The following AFDN variants were observed in gnomAD, a reference collection of about 807,000 sequenced individuals.
The protein encoded by AFDN is afadin.
AFDN carries 68 observed loss-of-function variants against 216.6 expected under a neutral mutation model. The observed-to-expected ratio is 0.31, with a 90% confidence interval of 0.26 to 0.38. The LOEUF is 0.38. AFDN is among the 10% of genes least tolerant of loss of function. The probability of loss-of-function intolerance (pLI) is 1.00; values close to 1 mark genes in which losing one functional copy is unlikely to be tolerated. For synonymous variants in AFDN, 868 were observed against 853.7 expected (o/e 1.02, Z -0.29); for missense variants, 2,136 against 2,342.0 (o/e 0.91, Z 1.82).
chr6:167,851,801 CTA>C lies in AFDN; in HGVS notation c.106-12748_106-12747del, dbSNP rs1305693162. 2.6e-5 allele frequency among the ~76,000 whole-genome samples: 4 copies of C among 152,264 alleles called. No individual in the cohort carries two copies. In the East Asian group the frequency reaches 7.7e-4, roughly 29 times the overall value. On this transcript the variant is annotated intron_variant, in intron 1 of 33. Coordinates refer to ENST00000683244, the MANE Select transcript of AFDN (RefSeq NM_001386888.1). ...CTGTTGCTTGTTGAGTGTAAGCAAGCTATGTTTGGCTTCTGATGTTAAATAAT... is the reference window on the plus strand; with the variant it reads ...CTGTTGCTTGTTGAGTGTAAGCAAGCTGTTTGGCTTCTGATGTTAAATAAT...
chr6:167,910,356 C>G (rs750976965), intron 13 of AFDN, among the ~76,000 whole-genome samples: 1 of 152,308 alleles, frequency 6.6e-6, no homozygotes, highest in Admixed American at 6.5e-5. Context: ...AGAAATGAAC[C>G]TAACTTTTGA....
At chr6:167,849,137 GGTT>G (rs1464492517) in intron 1 of AFDN, among the ~76,000 whole-genome samples, 1 of 139,836 alleles carries the variant, frequency 7.2e-6, no homozygotes, top group African/African-American at 2.5e-5. Flanking sequence ...TACCTTATGG[GGTT>G]GTTGTGAAAA....
Position 167,915,361 on chromosome 6 carries a change from C to G in AFDN, c.2493C>G (p.Gly831=), listed in dbSNP as rs1790918576. 1 of 1,614,080 alleles carries G rather than the reference C, an allele frequency of 6.2e-7. No individual in the cohort carries two copies. Among genetic ancestry groups the G allele is most frequent in the Non-Finnish European group, 8.5e-7 (1 of 1,180,056 alleles). The change falls in exon 19 of 34, where the codon GGC becomes GGG. Residue 831 remains glycine, a synonymous_variant. Coordinates refer to ENST00000683244, the MANE Select transcript of AFDN (RefSeq NM_001386888.1). ...GTGCGATTATCCGTCAGCAGTTGGG[C>G]CATATTGAAGCCTGGGCTGAGAAGC... The part of the protein sequence containing the change: ...YWGAIIRQQL[G]HIEAWAEKQG...
chr6:167,920,458 G>A (rs1292641631), intron 21 of AFDN, among the ~76,000 whole-genome samples: 2 of 152,194 alleles, frequency 1.3e-5, no homozygotes, highest in African/African-American at 2.4e-5. Context: ...ATCTCAGCAA[G>A]TCAGAAAGCA....
chr6:167,905,871 C>T (rs1000732166), intron 12 of AFDN, among the ~76,000 whole-genome samples: 6 of 152,100 alleles, frequency 3.9e-5, no homozygotes, highest in African/African-American at 1.4e-4. Context: ...TTTGGGAGGC[C>T]GAGGTGGGTG....
In AFDN at chr6:167,827,060, C is replaced by T. The variant is rs1252497424; in HGVS notation, c.-73C>T. ...CGGGGGGTGGCGAGGGGCGCCGGGC[C>T]CCCGCGGACCTGTCGTCCTCGGCCC... On this transcript the variant is annotated 5_prime_UTR_variant, in exon 1 of 34. Coordinates refer to ENST00000683244, the MANE Select transcript of AFDN (RefSeq NM_001386888.1). 11 of 705,926 alleles carry T rather than the reference C, an allele frequency of 1.6e-5. No homozygotes were observed. The East Asian group carries it at 1.0e-3, about 67-fold the overall frequency. 43.7% of individuals were successfully genotyped at this position (705,926 alleles called of 1,614,324 possible).
At chr6:167,887,382 G>T (rs1562611623) in intron 6 of AFDN, among the ~76,000 whole-genome samples, 1 of 147,838 alleles carries the variant, frequency 6.8e-6, no homozygotes, top group Admixed American at 6.7e-5. Flanking sequence ...GCAAGATTAG[G>T]CAATACAAAT....
At chr6:167,958,710 C>T (rs1489868245) in intron 30 of AFDN, among the ~76,000 whole-genome samples, 1 of 152,146 alleles carries the variant, frequency 6.6e-6, no homozygotes. Context: ...TTTTTGTTTG[C>T]TTGTTTTTGC....
At chr6:167,911,058 C>T (rs940220083) in intron 13 of AFDN, 43 bp from the exon 14 acceptor site, 24 of 1,536,438 alleles carry the variant, frequency 1.6e-5, no homozygotes, top group Non-Finnish European at 2.1e-5. Context: ...ATATTGTTAG[C>T]CATGTGACCT....
rs748291034 is a variant in AFDN at position 167,948,477 on chromosome 6, A to G, written c.3830A>G (p.Gln1277Arg). 4 of 1,612,946 alleles carry G rather than the reference A, an allele frequency of 2.5e-6. No individual in the cohort carries two copies. The highest frequency in any genetic ancestry group is 1.7e-6 in the Non-Finnish European group (2 of 1,179,156). The change falls in exon 29 of 34, where the codon CAG becomes CGG. Residue 1277 changes from glutamine (Q) to arginine (R), a missense_variant and splice_region_variant. Physicochemically the swap from Gln to Arg is conservative, Grantham distance 43. Coordinates refer to ENST00000683244, the MANE Select transcript of AFDN (RefSeq NM_001386888.1). ...TDSNHSSIAI[Q>R]RVTRSQEELR... ...AGTAATCATTCCAGTATTGCAATTC[A>G]GGTTAGAAATCAAAGATTCCACACA...
chr6:167,931,958 T>C (rs1168394397), intron 23 of AFDN, among the ~76,000 whole-genome samples: 1 of 152,216 alleles, frequency 6.6e-6, no homozygotes, highest in African/African-American at 2.4e-5. Flanking sequence ...AAGCCTCAGT[T>C]TCCTTGCCTT....
chr6:167,928,419 C>T (rs572257457), intron 23 of AFDN, among the ~76,000 whole-genome samples: 20 of 152,340 alleles, frequency 1.3e-4, no homozygotes, highest in African/African-American at 4.6e-4. Context: ...TGTGGCAATG[C>T]AGGCAAGAGG....
intron 1 of AFDN, among the ~76,000 whole-genome samples, chr6:167,839,402 C>G (rs1299840447): frequency 1.3e-5 from 2 of 151,478 alleles, no homozygotes; most frequent in African/African-American, 4.9e-5. Flanking sequence ...AAATTATGGA[C>G]ATTTAAACAT....
chr6:167,850,529 GTTTAC>G (rs758763121), intron 1 of AFDN, among the ~76,000 whole-genome samples: 69 of 152,186 alleles, frequency 4.5e-4, no homozygotes, highest in Admixed American at 7.2e-4. Flanking sequence ...TAGTTTGAGT[GTTTAC>G]TTTAATGTGA....
chr6:167,938,297 G>A (rs752365295), intron 23 of AFDN, among the ~76,000 whole-genome samples: 1 of 152,178 alleles, frequency 6.6e-6, no homozygotes, highest in African/African-American at 2.4e-5. Flanking sequence ...TTTGGGTGGA[G>A]AATGACGAGA....
At chr6:167,948,617 A>G (rs1181251738) in intron 29 of AFDN, 139 bp downstream of exon 29, 12 of 739,722 alleles carry the variant, frequency 1.6e-5, no homozygotes, top group Non-Finnish European at 2.5e-5. Context: ...GTTAAGTTTG[A>G]GGAAAAAAGG....
At chr6:167,865,044 A>G (rs574005017) in intron 2 of AFDN, among the ~76,000 whole-genome samples, 29 of 152,308 alleles carry the variant, frequency 1.9e-4, no homozygotes, top group African/African-American at 7.0e-4. Context: ...TGTCACATAC[A>G]TTGTGTAGTA....
chr6:167,917,434 A>G (rs1791224959), intron 20 of AFDN, among the ~76,000 whole-genome samples: 1 of 152,242 alleles, frequency 6.6e-6, no homozygotes, highest in South Asian at 2.1e-4. Flanking sequence ...TATTCAGGAA[A>G]TTAGGTTCTT....
intron 27 of AFDN, among the ~76,000 whole-genome samples, chr6:167,947,181 T>C (rs1795368763): frequency 6.6e-6 from 1 of 151,914 alleles, no homozygotes; most frequent in Non-Finnish European, 1.5e-5. Flanking sequence ...TTACATTTTT[T>C]TTTTTTTTTT....
Sources: gnomAD v4.1 joint callset for allele counts (sites outside exome capture counted in the v4.1 genomes callset) on GRCh38, gnomAD v4.1.1 for gene constraint, MANE v1.5 for transcripts, NCBI Gene and HGNC (gene_info 2026-07-23, HGNC 2026-07-21) for gene names.